Variants in FAM135B observed in about 807,000 individuals in gnomAD.
FAM135B encodes the protein family with sequence similarity 135 member B.
A neutral mutation model predicts 127.7 loss-of-function variants in FAM135B; 43 were observed. That is an observed-to-expected ratio of 0.34 (90% CI 0.26 to 0.43). The LOEUF (loss-of-function observed/expected upper bound fraction) is 0.43. Ranked by LOEUF, FAM135B falls within the 20% of genes least tolerant of loss-of-function variation. FAM135B has a pLI of 1.00. For synonymous variants in FAM135B, 670 were observed against 665.1 expected (o/e 1.01, Z -0.11); for missense variants, 1,558 against 1,725.6 (o/e 0.90, Z 1.72).
chr8:138,179,388 C>T (rs769593816), intron 9 of FAM135B, among the ~76,000 whole-genome samples: 13 of 152,256 alleles, frequency 8.5e-5, no homozygotes, highest in African/African-American at 2.9e-4. Flanking sequence ...AGGCATTTGA[C>T]GGTGCTCCCT....
chr8:138,308,137 G>T (rs1200726008), intron 3 of FAM135B, among the ~76,000 whole-genome samples: 6 of 152,048 alleles, frequency 3.9e-5, no homozygotes, highest in African/African-American at 1.2e-4. Flanking sequence ...AAGTGGCCTG[G>T]AATCCTCTTC....
chr8:138,299,599 A>T (rs573511506), intron 3 of FAM135B, among the ~76,000 whole-genome samples: 2 of 151,842 alleles, frequency 1.3e-5, no homozygotes, highest in South Asian at 4.2e-4. Flanking sequence ...ACACACACAC[A>T]CACACACACC....
At chr8:138,171,715 T>G (rs1820469350) in intron 11 of FAM135B, among the ~76,000 whole-genome samples, 2 of 152,230 alleles carry the variant, frequency 1.3e-5, no homozygotes, top group Non-Finnish European at 1.5e-5. Context: ...ATGTGGGCAA[T>G]GAGGAAGCAG....
intron 1 of FAM135B, among the ~76,000 whole-genome samples, chr8:138,410,790 T>G (rs1023840328): frequency 6.6e-6 from 1 of 152,120 alleles, no homozygotes; most frequent in African/African-American, 2.4e-5. Flanking sequence ...TGGGTAAATA[T>G]CTGAAAGAAA....
At chr8:138,144,581 A>AAATC (rs371181715) in intron 15 of FAM135B, among the ~76,000 whole-genome samples, 1 of 152,198 alleles carries the variant, frequency 6.6e-6, no homozygotes, top group South Asian at 2.1e-4. Flanking sequence ...TATGCTTTGG[A>AAATC]AATCACAGTA....
intron 7 of FAM135B, among the ~76,000 whole-genome samples, chr8:138,206,923 C>CCCTACCCACAACTCCAGCATCCCCTCCA (rs1817734108): frequency 3.7e-5 from 2 of 54,662 alleles, no homozygotes; most frequent in African/African-American, 6.7e-5. Context: ...CATCCCCTCC[C>CCCTACCCACAACTCCAGCATCCCCTCCA]CCTACCCACA....
chr8:138,257,893 AAAATAAAAC>A (rs1225239481), intron 4 of FAM135B, among the ~76,000 whole-genome samples: 29 of 139,820 alleles, frequency 2.1e-4, no homozygotes, highest in East Asian at 8.4e-4. Flanking sequence ...AATAAAAAAA[AAAATAAAAC>A]AAAACAAAAC....
intron 6 of FAM135B, among the ~76,000 whole-genome samples, chr8:138,245,535 T>C (rs544339371): frequency 7.9e-5 from 12 of 152,292 alleles, no homozygotes; most frequent in Admixed American, 3.9e-4. Context: ...CAGAAGGACA[T>C]GTTTGCCTCC....
Position 138,194,438 on chromosome 8 carries a change from T to G in FAM135B, c.873+820A>C, listed in dbSNP as rs117759082. Among the ~76,000 whole-genome samples, 259 of 152,284 alleles carry G rather than the reference T, an allele frequency of 1.7e-3. 3 individuals carry two copies. In the East Asian group the frequency reaches 0.032, roughly 19 times the overall value. On this transcript the variant is annotated intron_variant, in intron 9 of 19. Coordinates refer to ENST00000395297, the MANE Select transcript of FAM135B (RefSeq NM_015912.4). Reference sequence around the variant, plus strand: ...GCACATAATATTCATCTGGGGAGCTTTGAATAAAAACACAGTATCTGAACT... The same window carrying G: ...GCACATAATATTCATCTGGGGAGCTGTGAATAAAAACACAGTATCTGAACT...
intron 2 of FAM135B, among the ~76,000 whole-genome samples, chr8:138,348,428 C>T (rs1392450262): frequency 6.6e-6 from 1 of 152,150 alleles, no homozygotes; most frequent in Non-Finnish European, 1.5e-5. Flanking sequence ...AGCCACCGCA[C>T]CTGGCCTTTT....
At chr8:138,299,329 C>T (rs112451885) in intron 3 of FAM135B, among the ~76,000 whole-genome samples, 24 of 152,078 alleles carry the variant, frequency 1.6e-4, no homozygotes, top group Non-Finnish European at 3.5e-4. Flanking sequence ...CATCCACTAT[C>T]ATGAAAAGTA....
intron 1 of FAM135B, chr8:138,441,243 G>C (rs570397498): frequency 6.6e-6 from 1 of 152,338 alleles, no homozygotes; most frequent in Non-Finnish European, 1.5e-5. Context: ...GCTCTGATGA[G>C]AGAACAAGTT....
chr8:138,442,237 CATATATATATATATATATATATATATAT>C (rs759993575), intron 1 of FAM135B, among the ~76,000 whole-genome samples: 18 of 51,914 alleles, frequency 3.5e-4, no homozygotes, highest in African/African-American at 5.1e-4. Flanking sequence ...ATATGGACAC[CATATATATATATATATATATATATATAT>C]ATATATATAT....
chr8:138,329,495 A>G (rs1250780346), intron 2 of FAM135B, among the ~76,000 whole-genome samples: 1 of 152,196 alleles, frequency 6.6e-6, no homozygotes, highest in African/African-American at 2.4e-5. Context: ...TTTCTGCAAA[A>G]CTGTTCAGGC....
chr8:138,481,486 T>A lies in FAM135B; in HGVS notation c.-20+15185A>T, dbSNP rs533805553. Reference sequence around the variant, plus strand: ...TGAGCATAGCAGGGCAGAGAGTGGGTCTGAGCTAACGCCAGTGGAGCAGGC... The same window carrying A: ...TGAGCATAGCAGGGCAGAGAGTGGGACTGAGCTAACGCCAGTGGAGCAGGC... On this transcript the variant is annotated intron_variant, in intron 1 of 19. Transcript: ENST00000395297. 7.2e-5 allele frequency among the ~76,000 whole-genome samples: 11 copies of A among 152,310 alleles called. No individual in the cohort carries two copies. In the South Asian group the frequency reaches 2.3e-3, roughly 32 times the overall value.
At chr8:138,238,954 T>G (rs1820513736) in intron 7 of FAM135B, among the ~76,000 whole-genome samples, 1 of 152,184 alleles carries the variant, frequency 6.6e-6, no homozygotes, top group African/African-American at 2.4e-5. Context: ...CACTCACAAA[T>G]AAACCATTTT....
chr8:138,371,563 T>C (rs900897660), intron 1 of FAM135B, among the ~76,000 whole-genome samples: 5 of 152,120 alleles, frequency 3.3e-5, no homozygotes, highest in African/African-American at 1.2e-4. Flanking sequence ...AGTGTCAGCA[T>C]ACATCATGCT....
intron 1 of FAM135B, among the ~76,000 whole-genome samples, chr8:138,425,824 A>T (rs913371312): frequency 6.6e-5 from 10 of 151,790 alleles, no homozygotes; most frequent in Non-Finnish European, 1.0e-4. Flanking sequence ...GGTTTACACC[A>T]GCAAAAAGTT....
chr8:138,487,795 AG>A (rs1432747538), intron 1 of FAM135B, among the ~76,000 whole-genome samples: 1 of 152,160 alleles, frequency 6.6e-6, no homozygotes, highest in Non-Finnish European at 1.5e-5. Flanking sequence ...TGAGGTCAGG[AG>A]TTCAAGACCA....
Sources: allele counts gnomAD v4.1 joint callset (sites outside exome capture counted in the v4.1 genomes callset), GRCh38; gene constraint gnomAD v4.1.1; transcripts MANE v1.5; gene names NCBI Gene and HGNC (gene_info 2026-07-23, HGNC 2026-07-21).